SLC27A5: variants seen among roughly 807,000 people sequenced by gnomAD.
SLC27A5 encodes the protein long-chain fatty acid transport protein 5.
A neutral mutation model predicts 63.1 loss-of-function variants in SLC27A5; 47 were observed. The ratio of observed to expected loss-of-function variants is 0.74; its 90% confidence interval spans 0.59 to 0.95. The LOEUF (loss-of-function observed/expected upper bound fraction) is 0.95, where lower values mean the gene tolerates loss of function less well. Ranked by LOEUF, SLC27A5 falls within the 40% of genes least tolerant of loss-of-function variation. The pLI is 0.00. For synonymous variants in SLC27A5, 391 were observed against 403.8 expected, an observed-to-expected ratio of 0.97 and a Z score of 0.38; for missense variants, 940 against 921.0, an observed-to-expected ratio of 1.02 and a Z score of -0.27.
chr19:58,504,981 G>A (rs1376116172), intron 3 of SLC27A5, among the ~76,000 whole-genome samples: 1 of 151,534 alleles, frequency 6.6e-6, no homozygotes, highest in African/African-American at 2.4e-5. Flanking sequence ...ACTCCAGCCT[G>A]GGCGACAGAG....
chr19:58,499,021 C>G, intron 8 of SLC27A5, 102 bp downstream of exon 8: 1 of 1,594,350 alleles, frequency 6.3e-7, no homozygotes, highest in Non-Finnish European at 8.6e-7. Flanking sequence ...CAGCAAGTCT[C>G]TAAACCTCTC....
chr19:58,511,183 G>A, intron 1 of SLC27A5, 85 bp downstream of exon 1: 2 of 1,389,142 alleles, frequency 1.4e-6, no homozygotes, highest in Non-Finnish European at 1.9e-6. Flanking sequence ...GGGGACCAAG[G>A]GCCTCTGCCA....
At position 58,499,702 on chromosome 19, in the gene SLC27A5, G is replaced by T; in HGVS notation, c.1469-12C>A. ...CAGCCCCGGCTCCCCTGGGGTAGGAGCAGGAACAAGAACCCCTGGAGCCCA... is the reference window on the plus strand; with the variant it reads ...CAGCCCCGGCTCCCCTGGGGTAGGATCAGGAACAAGAACCCCTGGAGCCCA... On this transcript the variant is annotated splice_polypyrimidine_tract_variant and intron_variant, in intron 6 of 9. Transcript: ENST00000263093. 6.2e-7 allele frequency: 1 copy of T among 1,609,750 alleles called. No individual in the cohort carries two copies. The highest frequency in any genetic ancestry group is 8.5e-7 in the Non-Finnish European group (1 of 1,179,722).
At chr19:58,499,300 T>C in intron 7 of SLC27A5, 80 bp from the exon 8 acceptor site, 1 of 1,469,726 alleles carries the variant, frequency 6.8e-7, no homozygotes, top group Non-Finnish European at 9.3e-7. Context: ...CCGCCCCTTT[T>C]GGGGATCAGG....
At position 58,499,178 on chromosome 19, in the gene SLC27A5, C is replaced by T. The variant is rs141574728; in HGVS notation, c.1710G>A (p.Val570=). 8.7e-5 allele frequency: 141 copies of T among 1,614,050 alleles called. 1 individual carries two copies. In the African/African-American group the frequency reaches 1.6e-3, roughly 18 times the overall value. The part of the protein sequence containing the change: ...ENVSTHEVEG[V]LSQVDFLQQV... ...GTTGCAAGAAGTCCACCTGCGACAA[C>T]ACGCCCTCCACCTCGTGCGTGGACA... is the stretch of plus-strand genomic sequence containing the variant. The change falls in exon 8 of 10, where the codon GTG becomes GTA. Residue 570 remains valine, a synonymous_variant. Transcript: ENST00000263093.
At chr19:58,507,648 TC>T (rs1406234054) in intron 3 of SLC27A5, 1 of 152,206 alleles carries the variant, frequency 6.6e-6, no homozygotes, top group Non-Finnish European at 1.5e-5. Flanking sequence ...GCCATATTTT[TC>T]TTCTTGCAGA....
chr19:58,503,050 A>G (rs2053300776), intron 3 of SLC27A5, among the ~76,000 whole-genome samples: 3 of 152,068 alleles, frequency 2.0e-5, no homozygotes, highest in Admixed American at 6.6e-5. Context: ...CTGAAAATAC[A>G]AAAAATTAGC....
At chr19:58,502,905 G>A (rs1377656727) in intron 3 of SLC27A5, among the ~76,000 whole-genome samples, 3 of 152,026 alleles carry the variant, frequency 2.0e-5, no homozygotes, top group Non-Finnish European at 4.4e-5. Flanking sequence ...AGAGGCAGGG[G>A]GGTAGAAAGA....
Position 58,499,519 on chromosome 19 carries a change from A to C in SLC27A5, c.1640T>G (p.Phe547Cys), listed in dbSNP as rs762098840. The C allele has an allele frequency of 3.1e-6, 5 of 1,612,510 alleles. No homozygotes were observed. Among genetic ancestry groups the C allele is most frequent in the Non-Finnish European group, 1.7e-6 (2 of 1,179,960 alleles). Residue 547 changes from phenylalanine to cysteine, a missense_variant, in exon 7 of 10, where the codon TTC (phenylalanine) becomes TGC (cysteine). By Grantham distance (205) the Phe-to-Cys change is radical. Coordinates refer to ENST00000263093, the MANE Select transcript of SLC27A5 (RefSeq NM_012254.3). ...LAMDREGFLY[F>C]RDRLGDTFRW... Reference sequence around the variant, plus strand: ...GAAGGTGTCCCCGAGGCGGTCGCGGAAGTAGAGGAAGCCTTCGCGGTCCAT... The same window carrying C: ...GAAGGTGTCCCCGAGGCGGTCGCGGCAGTAGAGGAAGCCTTCGCGGTCCAT...
At chr19:58,505,703 C>T (rs945313660) in intron 3 of SLC27A5, among the ~76,000 whole-genome samples, 5 of 150,990 alleles carry the variant, frequency 3.3e-5, no homozygotes, top group African/African-American at 1.2e-4. Flanking sequence ...AAAAAATTAG[C>T]CGGTCGTGAG....
intron 3 of SLC27A5, chr19:58,507,613 C>T (rs1600041407): frequency 6.6e-6 from 1 of 152,302 alleles, no homozygotes; most frequent in East Asian, 1.9e-4. Flanking sequence ...TAAGGTCTGA[C>T]TGCCTGCGGG....
At chr19:58,503,711 T>C (rs1053682314) in intron 3 of SLC27A5, among the ~76,000 whole-genome samples, 1 of 151,894 alleles carries the variant, frequency 6.6e-6, no homozygotes, top group Admixed American at 6.6e-5. Context: ...AGTTAAAGTT[T>C]CCAATTTAAC....
chr19:58,507,508 T>G (rs569241930), intron 3 of SLC27A5: 1 of 152,126 alleles, frequency 6.6e-6, no homozygotes, highest in Non-Finnish European at 1.5e-5. Flanking sequence ...ACTGTACAAA[T>G]TGATTGTAAA....
At chr19:58,510,120 A>G (rs2053393316) in intron 2 of SLC27A5, 115 bp from the exon 3 acceptor site, 4 of 1,028,094 alleles carry the variant, frequency 3.9e-6, no homozygotes, top group Non-Finnish European at 5.6e-6. Flanking sequence ...AGGCTCTCAG[A>G]GAACAGTCAA....
At chr19:58,509,070 C>G (rs2053379947) in intron 3 of SLC27A5, 1 of 149,994 alleles carries the variant, frequency 6.7e-6, no homozygotes, top group Non-Finnish European at 1.5e-5. Flanking sequence ...GAGCGAGACT[C>G]TGTCTCAAAA....
chr19:58,510,771 C>G lies in SLC27A5; in HGVS notation c.848G>C (p.Gly283Ala), dbSNP rs372259403. ...SHPVPADLRA[G>A]ITWRSPALFI... ...GAGGGCAGGGCTTCTCCATGTGATC[C>G]CAGCACGCAGGTCAGCAGGCACTGG... Residue 283 changes from glycine to alanine, a missense_variant, in exon 2 of 10, where the codon GGG (glycine) becomes GCG (alanine). Gly to Ala is a moderately conservative substitution (Grantham distance 60). Coordinates refer to ENST00000263093, the MANE Select transcript of SLC27A5 (RefSeq NM_012254.3). 3.7e-6 allele frequency: 6 copies of G among 1,613,458 alleles called. No homozygotes were observed. Among genetic ancestry groups the G allele is most frequent in the Non-Finnish European group, 4.2e-6 (5 of 1,179,804 alleles).
Position 58,509,968 on chromosome 19 carries a change from T to C in SLC27A5, c.936A>G (p.Val312=). The change falls in exon 3 of 10, where the codon GTA becomes GTG. Residue 312 remains valine, a synonymous_variant. Coordinates refer to ENST00000263093, the MANE Select transcript of SLC27A5 (RefSeq NM_012254.3). ...PKPAILTHER[V]LQMSKMLSLS... ...AGGACAGCATCTTGCTCATCTGCAG[T>C]ACCCGCTCATGCGTGAGGATGGCTG... 1 of 1,613,948 alleles carries C rather than the reference T, an allele frequency of 6.2e-7. No homozygotes were observed. Among genetic ancestry groups the C allele is most frequent in the Non-Finnish European group, 8.5e-7 (1 of 1,179,944 alleles).
Position 58,498,847 on chromosome 19 carries a change from A to G in SLC27A5, c.1834T>C (p.Leu612=). 1 of 1,613,982 alleles carries G rather than the reference A, an allele frequency of 6.2e-7. No individual in the cohort carries two copies. Among genetic ancestry groups the G allele is most frequent in the Non-Finnish European group, 8.5e-7 (1 of 1,180,010 alleles). ...APGQTFDGEK[L]YQHVRAWLPA... is the part of the protein sequence containing the mutation. ...AGCCAAGCGCGAACGTGCTGGTACA[A>G]CTTCTCCCCGTCGAAAGTCTGGCCG... The change falls in exon 9 of 10, where the codon TTG becomes CTG. Residue 612 remains leucine, a synonymous_variant. Transcript: ENST00000263093.
rs762529160 is a variant in SLC27A5 at position 58,498,901 on chromosome 19, C to T, written c.1780G>A (p.Val594Met). The part of the protein sequence containing the change: ...GVCVPGCEGK[V>M]GMAAVQLAPG... Reference sequence around the variant, plus strand: ...GCTAGCTGCACAGCAGCCATGCCCACCTTACCCTCACAACCTAGAGAGCAG... The same window carrying T: ...GCTAGCTGCACAGCAGCCATGCCCATCTTACCCTCACAACCTAGAGAGCAG... The change falls in exon 9 of 10, where the codon GTG becomes ATG. Residue 594 changes from valine (V) to methionine (M), a missense_variant. By Grantham distance (21) the Val-to-Met change is conservative. Coordinates refer to ENST00000263093, the MANE Select transcript of SLC27A5 (RefSeq NM_012254.3). The T allele has an allele frequency of 6.2e-7, 1 of 1,612,824 alleles. No homozygotes were observed. The highest frequency in any genetic ancestry group is 1.1e-5 in the South Asian group (1 of 91,040).
Sources: gnomAD v4.1 joint callset for allele counts (sites outside exome capture counted in the v4.1 genomes callset) on GRCh38, gnomAD v4.1.1 for gene constraint, MANE v1.5 for transcripts, NCBI Gene and HGNC (gene_info 2026-07-23, HGNC 2026-07-21) for gene names.